Variants in MEIS1 observed in about 807,000 individuals in gnomAD.
MEIS1 encodes the protein Meis homeobox 1, also known as homeobox protein Meis1.
A neutral mutation model predicts 50.8 loss-of-function variants in MEIS1; 5 were observed. The ratio of observed to expected loss-of-function variants is 0.10; its 90% CI spans 0.05 to 0.21. The LOEUF (loss-of-function observed/expected upper bound fraction) is 0.21. MEIS1 is among the 10% of genes least tolerant of loss of function. The probability of loss-of-function intolerance (pLI) is 1.00; values close to 1 mark genes in which losing one functional copy is unlikely to be tolerated. For missense variants in MEIS1, 318 were observed against 517.3 expected (o/e 0.61, Z 3.74); for synonymous variants, 176 against 179.3 (o/e 0.98, Z 0.15).
intron 6 of MEIS1, chr2:66,461,677 C>A: frequency 3.2e-6 from 1 of 308,180 alleles, no homozygotes; most frequent in Non-Finnish European, 6.7e-6. Flanking sequence ...TTTGGATAAA[C>A]TGAGGTGGAA....
chr2:66,487,789 TA>T (rs949730050), intron 7 of MEIS1, among the ~76,000 whole-genome samples: 1 of 152,218 alleles, frequency 6.6e-6, no homozygotes, highest in African/African-American at 2.4e-5. Flanking sequence ...CCGTCACTTC[TA>T]AACGACTGAA....
At chr2:66,530,788 T>C (rs531839666) in intron 8 of MEIS1, among the ~76,000 whole-genome samples, 28 of 152,218 alleles carry the variant, frequency 1.8e-4, no homozygotes, top group Non-Finnish European at 3.1e-4. Flanking sequence ...TGTGCCATCA[T>C]ATGTAGGTTA....
intron 8 of MEIS1, among the ~76,000 whole-genome samples, chr2:66,519,314 C>T (rs1295273040): frequency 1.3e-5 from 2 of 152,158 alleles, no homozygotes; most frequent in Non-Finnish European, 2.9e-5. Context: ...GATTGACGCT[C>T]CAAGGCAGTA....
At chr2:66,494,666 A>G (rs146602028) in intron 7 of MEIS1, among the ~76,000 whole-genome samples, 1 of 152,322 alleles carries the variant, frequency 6.6e-6, no homozygotes, top group Non-Finnish European at 1.5e-5. Context: ...AAGTTCTCCC[A>G]TAGTCAGGGA....
At chr2:66,555,097 A>G (rs1442970012) in intron 9 of MEIS1, among the ~76,000 whole-genome samples, 19 of 152,180 alleles carry the variant, frequency 1.2e-4, no homozygotes, top group Non-Finnish European at 2.8e-4. Context: ...AACATGACAA[A>G]CTTTTTAGTG....
intron 8 of MEIS1, among the ~76,000 whole-genome samples, chr2:66,535,100 T>C (rs1271899454): frequency 6.6e-6 from 1 of 152,194 alleles, no homozygotes; most frequent in African/African-American, 2.4e-5. Flanking sequence ...CTTTTTATTT[T>C]ATCATTAACA....
At chr2:66,472,916 T>G (rs1672796353) in intron 7 of MEIS1, among the ~76,000 whole-genome samples, 1 of 152,174 alleles carries the variant, frequency 6.6e-6, no homozygotes, top group Non-Finnish European at 1.5e-5. Context: ...CAAGGGAATC[T>G]TGACATTTTG....
chr2:66,559,906 C>A, intron 9 of MEIS1, among the ~76,000 whole-genome samples: 1 of 152,130 alleles, frequency 6.6e-6, no homozygotes, highest in East Asian at 1.9e-4. Context: ...AAGCAATCCT[C>A]CCACTTCAGC....
intron 2 of MEIS1, chr2:66,439,293 T>C (rs1671887759): frequency 1.8e-6 from 2 of 1,101,928 alleles, no homozygotes; most frequent in Non-Finnish European, 2.2e-6. Flanking sequence ...TCCGAGGGCC[T>C]TGGGGTTGGG....
chr2:66,437,877 G>C lies in MEIS1; in HGVS notation c.153G>C (p.Pro51=), dbSNP rs747729347. 3 of 1,611,984 alleles carry C rather than the reference G, an allele frequency of 1.9e-6. No individual in the cohort carries two copies. Among genetic ancestry groups the C allele is most frequent in the Non-Finnish European group, 2.5e-6 (3 of 1,178,962 alleles). ...CTCCTCTGCACTCGCATCAGTACCC[G>C]CACACAGCTCATACCAACGCCATGG... ...HGPPLHSHQY[P]HTAHTNAMAP... Residue 51 remains proline, a synonymous_variant, in exon 2 of 13, where the codon CCG becomes CCC. Transcript: ENST00000272369.
intron 8 of MEIS1, among the ~76,000 whole-genome samples, chr2:66,524,059 G>A (rs772555006): frequency 2.6e-5 from 4 of 152,198 alleles, no homozygotes; most frequent in African/African-American, 7.2e-5. Flanking sequence ...TCTTATGATC[G>A]AAATAAAATG....
intron 9 of MEIS1, among the ~76,000 whole-genome samples, chr2:66,559,503 C>T (rs1675158187): frequency 6.6e-6 from 1 of 152,050 alleles, no homozygotes; most frequent in Non-Finnish European, 1.5e-5. Context: ...TTGTTAGATT[C>T]AATTTTATTG....
intron 9 of MEIS1, among the ~76,000 whole-genome samples, chr2:66,552,670 G>T (rs578147660): frequency 6.6e-6 from 1 of 152,120 alleles, no homozygotes; most frequent in Non-Finnish European, 1.5e-5. Context: ...TATGCCACTG[G>T]CAAGTAAAAA....
intron 7 of MEIS1, among the ~76,000 whole-genome samples, chr2:66,468,604 G>A (rs1672695441): frequency 6.6e-6 from 1 of 152,198 alleles, no homozygotes; most frequent in Non-Finnish European, 1.5e-5. Context: ...AACCCACGCA[G>A]TCTGACTCTA....
intron 9 of MEIS1, among the ~76,000 whole-genome samples, chr2:66,566,696 A>C (rs1249755489): frequency 1.3e-5 from 2 of 151,970 alleles, no homozygotes; most frequent in African/African-American, 4.8e-5. Context: ...AAGTAACTTA[A>C]GTGCCTTAAT....
chr2:66,466,273 C>T (rs1672633084), intron 7 of MEIS1, among the ~76,000 whole-genome samples: 1 of 152,210 alleles, frequency 6.6e-6, no homozygotes, highest in South Asian at 2.1e-4. Flanking sequence ...CATCTCTCTA[C>T]TAAAAAACTA....
At chr2:66,440,124 C>T in intron 3 of MEIS1, 140 bp downstream of exon 3, 2 of 852,074 alleles carry the variant, frequency 2.3e-6, no homozygotes, top group Non-Finnish European at 3.5e-6. Flanking sequence ...AGCACGTAGT[C>T]GGCCTTAAGC....
At chr2:66,519,224 C>T (rs1674049952) in intron 8 of MEIS1, among the ~76,000 whole-genome samples, 2 of 152,116 alleles carry the variant, frequency 1.3e-5, no homozygotes, top group Admixed American at 6.5e-5. Context: ...GTCTGTTGCT[C>T]AGCTCACAAA....
chr2:66,547,343 G>T (rs1317240568), intron 8 of MEIS1, among the ~76,000 whole-genome samples: 2 of 152,124 alleles, frequency 1.3e-5, no homozygotes, highest in African/African-American at 4.8e-5. Context: ...CCTGTGTTCA[G>T]AATCTCAGCA....
Sources: gnomAD v4.1 joint callset for allele counts (sites outside exome capture counted in the v4.1 genomes callset) on GRCh38, gnomAD v4.1.1 for gene constraint, MANE v1.5 for transcripts, NCBI Gene and HGNC (gene_info 2026-07-23, HGNC 2026-07-21) for gene names.